EPHA7: variants seen among roughly 807,000 people sequenced by gnomAD.
The protein encoded by EPHA7 is EPH receptor A7.
EPHA7 carries 25 observed loss-of-function variants against 112.6 expected under a neutral mutation model. The observed-to-expected ratio is 0.22, with a 90% CI of 0.16 to 0.31. EPHA7 has a LOEUF of 0.31. Among genes scored for constraint, EPHA7 ranks in the 10% least tolerant of loss-of-function variants. The pLI is 1.00. For synonymous variants in EPHA7, 437 were observed against 406.5 expected (o/e 1.07, Z -0.90); for missense variants, 962 against 1,212.6 (o/e 0.79, Z 3.07).
At chr6:93,270,439 T>C (rs1308850676) in intron 6 of EPHA7, among the ~76,000 whole-genome samples, 4 of 151,464 alleles carry the variant, frequency 2.6e-5, no homozygotes, top group Non-Finnish European at 3.0e-5. Flanking sequence ...AACTCAAGCA[T>C]ATAAAAACTC....
chr6:93,258,257 C>T lies in EPHA7; in HGVS notation c.1952G>A (p.Arg651His), dbSNP rs776394413. 8.1e-6 allele frequency: 13 copies of T among 1,610,110 alleles called. No individual in the cohort carries two copies. The highest frequency in any genetic ancestry group is 4.4e-5 in the South Asian group (4 of 90,060). ...AGEFGEVCSG[R>H]LKLPGKRDVA... ...ATCTCTTTTCCCTGGAAGTTTCAAA[C>T]GGCCACTGCAGACTTCACCGAATTC... is the stretch of plus-strand genomic sequence containing the variant. The change falls in exon 11 of 17, where the codon CGT becomes CAT. Residue 651 changes from arginine (R) to histidine (H), a missense_variant. Arg to His is a conservative substitution (Grantham distance 29). This residue lies in a region of EPHA7 where 746 missense variants were observed against 889.2 expected (regional missense o/e 0.84). Transcript: ENST00000369303.
chr6:93,355,191 T>C (rs1037369407), intron 5 of EPHA7, among the ~76,000 whole-genome samples: 2 of 152,148 alleles, frequency 1.3e-5, no homozygotes, highest in South Asian at 2.1e-4. Context: ...AAATCACTTA[T>C]TTTTTGTCTA....
In EPHA7 at chr6:93,355,133, T is replaced by C. The variant is rs560203716; in HGVS notation, c.1324+1584A>G. Among the ~76,000 whole-genome samples, 6 of 152,266 alleles carry C rather than the reference T, an allele frequency of 3.9e-5. No homozygotes were observed. In the South Asian group the frequency reaches 1.2e-3, roughly 32 times the overall value. On this transcript the variant is annotated intron_variant, in intron 5 of 16. Coordinates refer to ENST00000369303, the MANE Select transcript of EPHA7 (RefSeq NM_004440.4). ...AAATAAATAGGATAAATATGTCTAA[T>C]AAAAGAGGTAAGTCCAAAGTAAAAT... is the stretch of plus-strand genomic sequence containing the variant.
At chr6:93,326,783 G>A (rs948322403) in intron 5 of EPHA7, among the ~76,000 whole-genome samples, 5 of 151,346 alleles carry the variant, frequency 3.3e-5, no homozygotes, top group Non-Finnish European at 7.4e-5. Flanking sequence ...ACTCATGACA[G>A]GTGCTTAATA....
At chr6:93,263,727 C>T in intron 9 of EPHA7, 133 bp downstream of exon 9, 1 of 557,056 alleles carries the variant, frequency 1.8e-6, no homozygotes, top group South Asian at 3.2e-5. Flanking sequence ...GATTCAAATG[C>T]TTTAAAGCAA....
intron 3 of EPHA7, among the ~76,000 whole-genome samples, chr6:93,370,989 C>G (rs1055532414): frequency 1.1e-5 from 1 of 90,078 alleles, no homozygotes; most frequent in East Asian, 3.2e-4. Context: ...ACGAAAAATA[C>G]AAAAAAAAAA....
chr6:93,277,831 G>A (rs1358830399), intron 5 of EPHA7, among the ~76,000 whole-genome samples: 1 of 151,726 alleles, frequency 6.6e-6, no homozygotes, highest in East Asian at 1.9e-4. Context: ...ATTTGACTAA[G>A]AAATAAGGTT....
At chr6:93,369,711 T>C (rs1424495291) in intron 3 of EPHA7, among the ~76,000 whole-genome samples, 1 of 152,168 alleles carries the variant, frequency 6.6e-6, no homozygotes, top group Non-Finnish European at 1.5e-5. Context: ...GTTCAGGGAT[T>C]ATAATATATG....
rs777321732 is a variant in EPHA7, at chr6:93,358,269, G to A, written c.975C>T (p.Tyr325=). The change falls in exon 4 of 17, where the codon TAC becomes TAT. Residue 325 remains tyrosine (Y), a synonymous_variant. Transcript: ENST00000369303. ...GYYRAPSDPP[Y]VACTRPPSAP... is the part of the protein sequence containing the mutation. ...AATACAACTCACTTGTGCACGCAAC[G>A]TATGGTGGGTCAGATGGAGCCCTGT... 16 of 1,610,428 alleles carry A rather than the reference G, an allele frequency of 9.9e-6. No individual in the cohort carries two copies. Among genetic ancestry groups the A allele is most frequent in the East Asian group, 6.7e-5 (3 of 44,760 alleles).
chr6:93,359,694 A>T (rs1477778336), intron 3 of EPHA7, among the ~76,000 whole-genome samples: 3 of 152,104 alleles, frequency 2.0e-5, no homozygotes, highest in African/African-American at 7.2e-5. Flanking sequence ...TCAAATGCTG[A>T]ATTTTAATGC....
intron 5 of EPHA7, among the ~76,000 whole-genome samples, chr6:93,281,445 C>A (rs1771732153): frequency 6.6e-6 from 1 of 152,086 alleles, no homozygotes; most frequent in Non-Finnish European, 1.5e-5. Flanking sequence ...TTCACAAGGT[C>A]AACTATATAA....
chr6:93,318,526 A>G (rs1033432504), intron 5 of EPHA7, among the ~76,000 whole-genome samples: 1 of 152,136 alleles, frequency 6.6e-6, no homozygotes, highest in African/African-American at 2.4e-5. Flanking sequence ...AATATATTTA[A>G]TTTAAAAAAT....
chr6:93,338,342 T>C (rs753204533), intron 5 of EPHA7, among the ~76,000 whole-genome samples: 4 of 152,096 alleles, frequency 2.6e-5, no homozygotes, highest in Admixed American at 6.6e-5. Flanking sequence ...TGTTAGTGTG[T>C]ATGGATTCAA....
At chr6:93,283,748 C>T (rs1308276791) in intron 5 of EPHA7, among the ~76,000 whole-genome samples, 2 of 152,148 alleles carry the variant, frequency 1.3e-5, no homozygotes, top group Non-Finnish European at 2.9e-5. Context: ...GTAACACTCA[C>T]CACGAGGGTC....
intron 13 of EPHA7, 48 bp from the exon 14 acceptor site, chr6:93,254,844 T>C (rs1770366517): frequency 1.3e-6 from 2 of 1,500,924 alleles, no homozygotes; most frequent in South Asian, 1.2e-5. Flanking sequence ...ATAACTGATA[T>C]ATTATTTATG....
chr6:93,283,034 G>C (rs545476536), intron 5 of EPHA7, among the ~76,000 whole-genome samples: 3 of 152,300 alleles, frequency 2.0e-5, no homozygotes, highest in African/African-American at 4.8e-5. Context: ...CTGCGGCCCC[G>C]GTGCGGGATC....
chr6:93,359,198 C>G (rs906068537), intron 3 of EPHA7, among the ~76,000 whole-genome samples: 1 of 152,044 alleles, frequency 6.6e-6, no homozygotes, highest in Non-Finnish European at 1.5e-5. Flanking sequence ...AGATGGACAG[C>G]GAGCATTTCT....
At chr6:93,297,587 T>TAGCC (rs1483282108) in intron 5 of EPHA7, among the ~76,000 whole-genome samples, 1 of 152,162 alleles carries the variant, frequency 6.6e-6, no homozygotes, top group East Asian at 1.9e-4. Context: ...CAATTCTGTA[T>TAGCC]AGCCGTTCTA....
At chr6:93,243,936 A>C (rs1769796748) in intron 16 of EPHA7, among the ~76,000 whole-genome samples, 1 of 152,148 alleles carries the variant, frequency 6.6e-6, no homozygotes, top group South Asian at 2.1e-4. Flanking sequence ...TAATGAAAAC[A>C]GTTTGTGGGA....
Sources: gnomAD v4.1 joint callset for allele counts (sites outside exome capture counted in the v4.1 genomes callset) on GRCh38, gnomAD v4.1.1 for gene constraint, gnomAD v4.1.1 regional missense constraint, MANE v1.5 for transcripts, NCBI Gene and HGNC (gene_info 2026-07-23, HGNC 2026-07-21) for gene names.